The following CSMD1 variants were observed in gnomAD, a reference collection of about 807,000 sequenced individuals.
CSMD1 encodes the protein CUB and sushi domain-containing protein 1.
A neutral mutation model predicts 417.5 loss-of-function variants in CSMD1; 213 were observed. The observed-to-expected ratio is 0.51, with a 90% CI of 0.46 to 0.57. CSMD1 has a LOEUF of 0.57. Ranked by LOEUF, CSMD1 falls within the 20% of genes least tolerant of loss-of-function variation. The pLI, the probability that CSMD1 is intolerant of heterozygous loss-of-function variation, is 0.00. For synonymous variants in CSMD1, 2,862 were observed against 1,736.8 expected, an observed-to-expected ratio of 1.65 and a Z score of -16.11; for missense variants, 6,923 against 4,529.7, an observed-to-expected ratio of 1.53 and a Z score of -15.17.
chr8:4,845,370 C>A (rs1366669929), intron 1 of CSMD1, among the ~76,000 whole-genome samples: 1 of 152,190 alleles, frequency 6.6e-6, no homozygotes, highest in East Asian at 1.9e-4. Flanking sequence ...CCAACACACA[C>A]CATACATGGG....
intron 5 of CSMD1, among the ~76,000 whole-genome samples, chr8:3,899,606 A>T (rs569293930): frequency 6.6e-6 from 1 of 152,330 alleles, no homozygotes; most frequent in African/African-American, 2.4e-5. Context: ...ATATAGCTCC[A>T]ACATAAGTAT....
At chr8:3,773,968 T>C (rs1180122092) in intron 5 of CSMD1, among the ~76,000 whole-genome samples, 1 of 152,166 alleles carries the variant, frequency 6.6e-6, no homozygotes, top group African/African-American at 2.4e-5. Flanking sequence ...TGTGCCTGGA[T>C]TAACCCTGCA....
chr8:4,551,854 A>AT (rs776721276), intron 2 of CSMD1, among the ~76,000 whole-genome samples: 4,968 of 139,276 alleles, frequency 0.036, 148 homozygotes, highest in African/African-American at 0.065. Flanking sequence ...AATTTTTTGT[A>AT]TTTTTTTTTT....
rs1435240410 is a variant in CSMD1, at chr8:4,154,602, G to A, written c.416-122503C>T. 9.2e-5 allele frequency among the ~76,000 whole-genome samples: 14 copies of A among 152,284 alleles called. 1 individual carries two copies. The East Asian group carries it at 2.1e-3, about 23-fold the overall frequency. On this transcript the variant is annotated intron_variant, in intron 3 of 69. Transcript: ENST00000635120. ...AGGTGAGGTCTTTGGCAATAGGAAT[G>A]CATGAGCCTACAAAAGGCCTAAGTA...
intron 3 of CSMD1, among the ~76,000 whole-genome samples, chr8:4,178,228 C>T (rs1052508815): frequency 6.6e-6 from 1 of 152,230 alleles, no homozygotes; most frequent in Non-Finnish European, 1.5e-5. Flanking sequence ...AAAGCTAATC[C>T]ACTATCATCA....
chr8:3,442,706 G>C (rs1044859013), intron 12 of CSMD1, among the ~76,000 whole-genome samples: 2 of 152,148 alleles, frequency 1.3e-5, no homozygotes, highest in African/African-American at 2.4e-5. Flanking sequence ...TTGTTGTTAA[G>C]CAATGCATGA....
chr8:4,333,681 G>A (rs867109364), intron 3 of CSMD1, among the ~76,000 whole-genome samples: 3 of 151,958 alleles, frequency 2.0e-5, no homozygotes, highest in African/African-American at 7.2e-5. Context: ...GCTTTTCTAC[G>A]ATACCATTTA....
Position 3,968,840 on chromosome 8 carries a change from T to G in CSMD1, c.818+29063A>C, listed in dbSNP as rs140272552. ...GATCCAGTATAGGACAAGATTTGGC[T>G]GCTGGTTATATTCGATCACACATCA... On this transcript the variant is annotated intron_variant, in intron 5 of 69. Coordinates refer to ENST00000635120, the MANE Select transcript of CSMD1 (RefSeq NM_033225.6). Among the ~76,000 whole-genome samples, 261 of 152,330 alleles carry G rather than the reference T, an allele frequency of 1.7e-3. 4 individuals carry two copies. Among genetic ancestry groups the G allele is most frequent in the Admixed American group, 0.016 (239 of 15,306 alleles).
At chr8:4,544,789 G>C (rs1290718749) in intron 2 of CSMD1, among the ~76,000 whole-genome samples, 1 of 152,130 alleles carries the variant, frequency 6.6e-6, no homozygotes, top group Non-Finnish European at 1.5e-5. Context: ...TTCACTTATA[G>C]ACCAAAAACC....
chr8:4,616,190 T>A (rs956773303), intron 2 of CSMD1, among the ~76,000 whole-genome samples: 2 of 152,106 alleles, frequency 1.3e-5, no homozygotes, highest in Non-Finnish European at 2.9e-5. Flanking sequence ...AAATACCTAG[T>A]TTTCTTTTTT....
intron 3 of CSMD1, among the ~76,000 whole-genome samples, chr8:4,180,595 AAAAT>A (rs943801477): frequency 5.4e-5 from 8 of 149,176 alleles, no homozygotes; most frequent in African/African-American, 1.7e-4. Context: ...AAAAAAAGAA[AAAAT>A]AAAATAAAAT....
intron 3 of CSMD1, among the ~76,000 whole-genome samples, chr8:4,335,166 G>A (rs1285628398): frequency 1.3e-5 from 2 of 152,002 alleles, no homozygotes; most frequent in African/African-American, 4.8e-5. Context: ...AGCCTCCCAA[G>A]GTGCTGGGAT....
intron 23 of CSMD1, among the ~76,000 whole-genome samples, chr8:3,327,217 A>C (rs1806590664): frequency 6.6e-6 from 1 of 151,170 alleles, no homozygotes; most frequent in Non-Finnish European, 1.5e-5. Context: ...ATCTCTGCTC[A>C]CTGTAAGCTC....
At chr8:4,526,460 G>A (rs1450269748) in intron 2 of CSMD1, among the ~76,000 whole-genome samples, 1 of 152,180 alleles carries the variant, frequency 6.6e-6, no homozygotes, top group Non-Finnish European at 1.5e-5. Flanking sequence ...ATTGCTAGAT[G>A]ATTTTTTACA....
intron 37 of CSMD1, among the ~76,000 whole-genome samples, chr8:3,175,790 A>G (rs1488771252): frequency 1.3e-5 from 2 of 152,214 alleles, no homozygotes; most frequent in Admixed American, 1.3e-4. Flanking sequence ...TATTAGTATT[A>G]TATCTTATGG....
Position 3,151,437 on chromosome 8 carries a change from G to A in CSMD1, c.5991C>T (p.Asn1997=), listed in dbSNP as rs369443478. The change falls in exon 40 of 70, where the codon AAC becomes AAT. Residue 1997 remains asparagine (N), a synonymous_variant. Transcript: ENST00000635120. ...ATGAGATCCTCCAGGTGCAGTCTAA[G>A]TTGTTGGGGTAAGAACCTGGGAAGC... ...SPGFPGSYPN[N]LDCTWRISLP... is the part of the protein sequence containing the mutation. 6.2e-7 allele frequency: 1 copy of A among 1,613,784 alleles called. No individual in the cohort carries two copies. Among genetic ancestry groups the A allele is most frequent in the Non-Finnish European group, 8.5e-7 (1 of 1,179,810 alleles).
chr8:4,528,897 T>A (rs1033047178), intron 2 of CSMD1, among the ~76,000 whole-genome samples: 6 of 152,176 alleles, frequency 3.9e-5, no homozygotes, highest in Non-Finnish European at 5.9e-5. Context: ...TTTCCATGTT[T>A]GAGACGGGAT....
intron 8 of CSMD1, among the ~76,000 whole-genome samples, chr8:3,613,904 G>T (rs185166814): frequency 6.6e-6 from 1 of 151,952 alleles, no homozygotes; most frequent in African/African-American, 2.4e-5. Context: ...TTGTAAAATA[G>T]TTTCTTACCA....
rs370578014 is a variant in CSMD1, at chr8:4,703,485, T to G, written c.86-65927A>C. On this transcript the variant is annotated intron_variant, in intron 1 of 69. Transcript: ENST00000635120. Reference sequence around the variant, plus strand: ...CCAATGTATGGATAATTTGTAATTATTTAAAACATGTATACTTCATGAAAG... The same window carrying G: ...CCAATGTATGGATAATTTGTAATTAGTTAAAACATGTATACTTCATGAAAG... Among the ~76,000 whole-genome samples, 280 of 152,158 alleles carry G rather than the reference T, an allele frequency of 1.8e-3. 4 individuals are homozygous for G. The South Asian group carries it at 0.035, about 19-fold the overall frequency.
Sources: allele counts gnomAD v4.1 joint callset (sites outside exome capture counted in the v4.1 genomes callset), GRCh38; gene constraint gnomAD v4.1.1; transcripts MANE v1.5; gene names NCBI Gene and HGNC (gene_info 2026-07-23, HGNC 2026-07-21).